The following RANBP10 variants were observed in gnomAD, a reference collection of about 807,000 sequenced individuals.
RANBP10 encodes the protein RAN binding protein 10.
In RANBP10, 24 loss-of-function variants were observed where a neutral mutation model predicts 72.8. That is an observed-to-expected ratio of 0.33 (90% CI 0.24 to 0.46). The LOEUF (loss-of-function observed/expected upper bound fraction) is 0.46. Ranked by LOEUF, RANBP10 falls within the 20% of genes least tolerant of loss-of-function variation. The pLI, the probability that RANBP10 is intolerant of heterozygous loss-of-function variation, is 1.00. For missense variants in RANBP10, 679 were observed against 817.5 expected (o/e 0.83, Z 2.07); for synonymous variants, 310 against 322.3 (o/e 0.96, Z 0.41).
chr16:67,804,109 A>G (rs141523304), intron 2 of RANBP10, among the ~76,000 whole-genome samples: 1,533 of 152,194 alleles, frequency 0.01, 11 homozygotes, highest in South Asian at 0.018. Context: ...TGCACTACAA[A>G]GGGGACAGTC....
chr16:67,773,000 T>C (rs770103482), intron 2 of RANBP10, among the ~76,000 whole-genome samples: 28 of 152,206 alleles, frequency 1.8e-4, no homozygotes, highest in Non-Finnish European at 3.1e-4. Context: ...GAAGGGATGA[T>C]TGTATTCTGC....
chr16:67,780,488 C>T (rs1367343465), intron 2 of RANBP10, among the ~76,000 whole-genome samples: 1 of 152,102 alleles, frequency 6.6e-6, no homozygotes, highest in Non-Finnish European at 1.5e-5. Context: ...TGGCTTCAGC[C>T]TATAATCCCA....
intron 2 of RANBP10, among the ~76,000 whole-genome samples, chr16:67,780,694 G>A (rs924735128): frequency 1.3e-5 from 2 of 152,238 alleles, no homozygotes; most frequent in African/African-American, 4.8e-5. Context: ...TGACAAGGGT[G>A]GGACAGGAGC....
chr16:67,804,013 G>A (rs546287772), intron 2 of RANBP10, among the ~76,000 whole-genome samples: 1 of 152,068 alleles, frequency 6.6e-6, no homozygotes, highest in Admixed American at 6.6e-5. Flanking sequence ...CTCTCAGGCA[G>A]AGAAGTTACA....
At chr16:67,762,551 T>C (rs1285637585) in intron 3 of RANBP10, 1 of 152,210 alleles carries the variant, frequency 6.6e-6, no homozygotes, top group East Asian at 1.9e-4. Context: ...TATGACCAAA[T>C]GTGAGTCAGG....
chr16:67,772,091 A>C lies in RANBP10; in HGVS notation c.348-5T>G, dbSNP rs1259052903. ...GAGAGTCCTATTCCCATGTAACTTC[A>C]AAAAAAAAAAAAAAAAAAACACAAA... On this transcript the variant is annotated splice_polypyrimidine_tract_variant and splice_region_variant and intron_variant, in intron 2 of 13. Transcript: ENST00000317506. 7.5e-6 allele frequency: 2 copies of C among 265,204 alleles called. No homozygotes were observed. Among genetic ancestry groups the C allele is most frequent in the East Asian group, 1.7e-4 (2 of 12,082 alleles). 16.4% of individuals were successfully genotyped at this position (265,204 alleles called of 1,614,324 possible). A position where few individuals can be genotyped will look rare whatever the true frequency, so the allele number is the denominator to read the frequency against.
At chr16:67,784,351 A>C (rs56377113) in intron 2 of RANBP10, among the ~76,000 whole-genome samples, 1 of 151,686 alleles carries the variant, frequency 6.6e-6, no homozygotes, top group Non-Finnish European at 1.5e-5. Flanking sequence ...GTGAAACCCT[A>C]TCTCTACTAA....
intron 5 of RANBP10, among the ~76,000 whole-genome samples, chr16:67,735,381 C>T (rs182324036): frequency 1.3e-5 from 2 of 152,306 alleles, no homozygotes; most frequent in African/African-American, 4.8e-5. Flanking sequence ...CAGACGTGCC[C>T]ATGAAGGTCT....
At chr16:67,733,296 G>A (rs571693823) in intron 6 of RANBP10, among the ~76,000 whole-genome samples, 3 of 152,008 alleles carry the variant, frequency 2.0e-5, no homozygotes, top group Non-Finnish European at 2.9e-5. Context: ...AGCTCAGGAG[G>A]TCCATGCTGC....
intron 3 of RANBP10, among the ~76,000 whole-genome samples, chr16:67,753,537 G>A (rs1390676808): frequency 1.3e-5 from 2 of 152,150 alleles, no homozygotes; most frequent in Non-Finnish European, 2.9e-5. Flanking sequence ...GCAATGGGAG[G>A]GGGGATGAGG....
intron 3 of RANBP10, among the ~76,000 whole-genome samples, chr16:67,757,320 A>G (rs1002364147): frequency 6.6e-6 from 1 of 152,108 alleles, no homozygotes; most frequent in Non-Finnish European, 1.5e-5. Flanking sequence ...CTCCTAATGA[A>G]TGGCCACCGA....
rs1186113880 is a variant in RANBP10 at position 67,806,320 on chromosome 16, G to C, written c.217C>G (p.Leu73Val). The change falls in exon 1 of 14, where the codon CTC becomes GTC. Residue 73 changes from leucine (L) to valine (V), a missense_variant. By Grantham distance (32) the Leu-to-Val change is conservative. Transcript: ENST00000317506. ...CCGATACCTTTGTAGTGGACGCGGA[G>C]GTTGCCCTGGGAGAGACCAATGTAG... The part of the protein sequence containing the change: ...YNYIGLSQGN[L>V]RVHYKGHGKN... 1 of 1,612,984 alleles carries C rather than the reference G, an allele frequency of 6.2e-7. No individual in the cohort carries two copies. The highest frequency in any genetic ancestry group is 2.2e-5 in the East Asian group (1 of 44,830).
At chr16:67,743,019 C>T (rs1463194268) in intron 4 of RANBP10, among the ~76,000 whole-genome samples, 2 of 152,226 alleles carry the variant, frequency 1.3e-5, no homozygotes, top group Admixed American at 6.5e-5. Context: ...ATGTTCTCGG[C>T]TGCCTAGCTA....
chr16:67,735,154 A>C, intron 5 of RANBP10, 112 bp from the exon 6 acceptor site: 2 of 1,114,820 alleles, frequency 1.8e-6, no homozygotes, highest in Admixed American at 5.7e-5. Context: ...GAGTTGCAGC[A>C]AGGCTGGAGG....
At chr16:67,753,397 G>A (rs1248892039) in intron 3 of RANBP10, among the ~76,000 whole-genome samples, 1 of 152,110 alleles carries the variant, frequency 6.6e-6, no homozygotes. Context: ...GTACTGCTGA[G>A]GAGGGAGGAT....
intron 2 of RANBP10, among the ~76,000 whole-genome samples, chr16:67,782,056 C>T (rs900228841): frequency 6.6e-6 from 1 of 152,246 alleles, no homozygotes; most frequent in Non-Finnish European, 1.5e-5. Context: ...CAGTCCAGTC[C>T]TCTTGGATTC....
At position 67,791,308 on chromosome 16, in the gene RANBP10, C is replaced by T. The variant is rs929014324; in HGVS notation, c.347+14120G>A. 2.0e-5 allele frequency among the ~76,000 whole-genome samples: 3 copies of T among 152,134 alleles called. No homozygotes were observed. In the East Asian group the frequency reaches 5.8e-4, roughly 29 times the overall value. ...GATTACAGGTGTGAGCCACTATGCC[C>T]GGCCCAGTTTTACCAATTTCTTTTT... On this transcript the variant is annotated intron_variant, in intron 2 of 13. Coordinates refer to ENST00000317506, the MANE Select transcript of RANBP10 (RefSeq NM_020850.3).
At chr16:67,748,026 C>A (rs1350441661) in intron 3 of RANBP10, among the ~76,000 whole-genome samples, 1 of 150,342 alleles carries the variant, frequency 6.7e-6, no homozygotes, top group Admixed American at 6.6e-5. Context: ...GGGGTTTCAC[C>A]ATGTTAGCCA....
At chr16:67,777,070 C>T (rs1189584107) in intron 2 of RANBP10, among the ~76,000 whole-genome samples, 1 of 151,272 alleles carries the variant, frequency 6.6e-6, no homozygotes, top group Non-Finnish European at 1.5e-5. Context: ...ATTAGCCGGG[C>T]GTGGTGGTGC....
Sources: gnomAD v4.1 joint callset for allele counts (sites outside exome capture counted in the v4.1 genomes callset) on GRCh38, gnomAD v4.1.1 for gene constraint, MANE v1.5 for transcripts, NCBI Gene and HGNC (gene_info 2026-07-23, HGNC 2026-07-21) for gene names.